GATAD2B: variants seen among roughly 807,000 people sequenced by gnomAD.
GATAD2B encodes GATA zinc finger domain containing 2B, also known as transcriptional repressor p66-beta.
A neutral mutation model predicts 64.3 loss-of-function variants in GATAD2B; 8 were observed. That is an observed-to-expected ratio of 0.12 (90% CI 0.07 to 0.22). GATAD2B has a LOEUF of 0.22. GATAD2B is among the 10% of genes least tolerant of loss of function. The probability of loss-of-function intolerance (pLI) is 1.00; values close to 1 mark genes in which losing one functional copy is unlikely to be tolerated. For missense variants in GATAD2B, 453 were observed against 752.0 expected, an observed-to-expected ratio of 0.60 and a Z score of 4.65; for synonymous variants, 281 against 271.3, an observed-to-expected ratio of 1.04 and a Z score of -0.35.
At chr1:153,818,246 A>G in intron 4 of GATAD2B, 75 bp from the exon 5 acceptor site, 6 of 1,360,256 alleles carry the variant, frequency 4.4e-6, no homozygotes, top group East Asian at 2.5e-5. Flanking sequence ...TAGACTTTAA[A>G]AATTCCTGGT....
chr1:153,826,265 C>T (rs978690812), intron 2 of GATAD2B, among the ~76,000 whole-genome samples: 6 of 152,056 alleles, frequency 3.9e-5, no homozygotes, highest in Non-Finnish European at 7.4e-5. Flanking sequence ...ATGATCCACC[C>T]GCCTCGGCCT....
intron 1 of GATAD2B, among the ~76,000 whole-genome samples, chr1:153,849,804 G>A (rs1057324231): frequency 6.6e-6 from 1 of 151,952 alleles, no homozygotes; most frequent in Non-Finnish European, 1.5e-5. Flanking sequence ...CTAATGTTTT[G>A]TATTTTTAGC....
chr1:153,815,303 A>AAAAAAAAG (rs1557780311), intron 7 of GATAD2B, among the ~76,000 whole-genome samples: 2 of 148,812 alleles, frequency 1.3e-5, no homozygotes, highest in African/African-American at 5.0e-5. Flanking sequence ...CAAAAAAAAA[A>AAAAAAAAG]AAAAGAAAAG....
At chr1:153,882,040 C>A (rs1314184781) in intron 1 of GATAD2B, among the ~76,000 whole-genome samples, 2 of 151,998 alleles carry the variant, frequency 1.3e-5, no homozygotes, top group Non-Finnish European at 2.9e-5. Flanking sequence ...CTAGCGGGGA[C>A]AGGAGGGAGG....
At chr1:153,910,944 T>A (rs1165800956) in intron 1 of GATAD2B, among the ~76,000 whole-genome samples, 1 of 152,156 alleles carries the variant, frequency 6.6e-6, no homozygotes, top group Non-Finnish European at 1.5e-5. Flanking sequence ...GGACATAACC[T>A]CATCGTAAAT....
At chr1:153,870,104 T>C (rs972091299) in intron 1 of GATAD2B, among the ~76,000 whole-genome samples, 3 of 152,114 alleles carry the variant, frequency 2.0e-5, no homozygotes, top group Non-Finnish European at 4.4e-5. Context: ...CCTGCCACTA[T>C]GCCCAGCGCT....
intron 1 of GATAD2B, among the ~76,000 whole-genome samples, chr1:153,860,192 G>A (rs995918533): frequency 5.9e-5 from 9 of 152,048 alleles, no homozygotes; most frequent in African/African-American, 2.2e-4. Flanking sequence ...TGGGATTACA[G>A]GTGTGAGCCA....
At chr1:153,841,124 C>CAAAAAAAAAAAAAAAAAAAA (rs941317761) in intron 1 of GATAD2B, among the ~76,000 whole-genome samples, 1 of 77,432 alleles carries the variant, frequency 1.3e-5, no homozygotes. Context: ...GACTCCGTCT[C>CAAAAAAAAAAAAAAAAAAAA]AAAAAAAAAA....
At chr1:153,823,589 A>G (rs926156136) in intron 2 of GATAD2B, among the ~76,000 whole-genome samples, 3 of 152,066 alleles carry the variant, frequency 2.0e-5, no homozygotes, top group African/African-American at 4.8e-5. Context: ...CCCTCAAGCA[A>G]TTCTCCCACT....
chr1:153,852,418 T>C (rs1675931567), intron 1 of GATAD2B: 5 of 777,534 alleles, frequency 6.4e-6, no homozygotes, highest in Admixed American at 1.7e-5. Flanking sequence ...TCATGGATGT[T>C]GGACAGAAGG....
At chr1:153,833,720 G>A (rs926044705) in intron 1 of GATAD2B, among the ~76,000 whole-genome samples, 1 of 141,950 alleles carries the variant, frequency 7.0e-6, no homozygotes, top group African/African-American at 2.6e-5. Context: ...TGAGGCAGGA[G>A]AATAGCCTGA....
chr1:153,852,345 T>C, intron 1 of GATAD2B: 2 of 917,682 alleles, frequency 2.2e-6, no homozygotes, highest in South Asian at 1.3e-5. Flanking sequence ...TGCAGAACAC[T>C]GAGTAGATGT....
At chr1:153,878,711 T>C (rs984647290) in intron 1 of GATAD2B, among the ~76,000 whole-genome samples, 69 of 151,502 alleles carry the variant, frequency 4.6e-4, no homozygotes, top group Admixed American at 2.6e-3. Context: ...TTATTCTGAA[T>C]GGTCAGAAGC....
intron 1 of GATAD2B, among the ~76,000 whole-genome samples, chr1:153,917,591 C>T (rs1678312813): frequency 6.6e-6 from 1 of 151,910 alleles, no homozygotes; most frequent in Non-Finnish European, 1.5e-5. Context: ...CACGGGGTTT[C>T]ACCATGTTGG....
intron 1 of GATAD2B, among the ~76,000 whole-genome samples, chr1:153,875,683 GAA>G (rs11340415): frequency 0.013 from 1,042 of 78,416 alleles, 13 homozygotes; most frequent in African/African-American, 0.041. Flanking sequence ...AGTTTGGAGG[GAA>G]AAAAAAAAAA....
Position 153,862,425 on chromosome 1 carries a change from T to C in GATAD2B, c.-1-34077A>G, listed in dbSNP as rs181935141. ...GGCATGAGCCATCACTCCCAGCCTT[T>C]ACATACATTATATCTTATGTGATCC... On this transcript the variant is annotated intron_variant, in intron 1 of 10. Transcript: ENST00000368655. Among the ~76,000 whole-genome samples, 7 of 152,068 alleles carry C rather than the reference T, an allele frequency of 4.6e-5. No homozygotes were observed. In the East Asian group the frequency reaches 1.4e-3, roughly 29 times the overall value.
intron 1 of GATAD2B, among the ~76,000 whole-genome samples, chr1:153,840,864 G>A (rs898188083): frequency 6.6e-6 from 1 of 151,962 alleles, no homozygotes; most frequent in Non-Finnish European, 1.5e-5. Context: ...GGTGGCTCAC[G>A]CCTGTAATCC....
In GATAD2B at chr1:153,922,235, T is replaced by C. The variant is rs142336459; in HGVS notation, c.-2+498A>G. Among the ~76,000 whole-genome samples, 840 of 147,550 alleles carry C rather than the reference T, an allele frequency of 5.7e-3. 10 individuals are homozygous for C. The highest frequency in any genetic ancestry group is 0.02 in the African/African-American group (805 of 39,730). ...TCCCATCCGCCCGCAAACACAAGAC[T>C]GAGCAGGGAGCGGCCCCCGCACCCT... On this transcript the variant is annotated intron_variant, in intron 1 of 10. Transcript: ENST00000368655.
intron 1 of GATAD2B, among the ~76,000 whole-genome samples, chr1:153,886,223 T>C (rs1441055710): frequency 6.6e-6 from 1 of 152,176 alleles, no homozygotes; most frequent in Non-Finnish European, 1.5e-5. Context: ...TTCTGAAAAA[T>C]ACATGATTAG....
Sources: gnomAD v4.1 joint callset for allele counts (sites outside exome capture counted in the v4.1 genomes callset) on GRCh38, gnomAD v4.1.1 for gene constraint, MANE v1.5 for transcripts, NCBI Gene and HGNC (gene_info 2026-07-23, HGNC 2026-07-21) for gene names.